The following FIP1L1 variants were observed in gnomAD, a reference collection of about 807,000 sequenced individuals.
FIP1L1 encodes the protein factor interacting with PAPOLA and CPSF1, also known as pre-mRNA 3'-end-processing factor FIP1.
A neutral mutation model predicts 84.6 loss-of-function variants in FIP1L1; 21 were observed. The observed-to-expected ratio is 0.25, with a 90% confidence interval of 0.18 to 0.36. FIP1L1 has a LOEUF of 0.36. Among genes scored for constraint, FIP1L1 ranks in the 10% least tolerant of loss-of-function variants. The pLI is 1.00. For missense variants in FIP1L1, 526 were observed against 751.1 expected (o/e 0.70, Z 3.50); for synonymous variants, 263 against 242.3 (o/e 1.09, Z -0.80).
chr4:53,413,405 T>G (rs2149740812), intron 10 of FIP1L1, among the ~76,000 whole-genome samples: 2 of 152,262 alleles, frequency 1.3e-5, no homozygotes, highest in Middle Eastern at 3.4e-3. Context: ...AAGATGAAAT[T>G]TCCATGTGTG....
At chr4:53,404,997 A>G (rs1346790253) in intron 10 of FIP1L1, among the ~76,000 whole-genome samples, 2 of 151,966 alleles carry the variant, frequency 1.3e-5, no homozygotes, top group Middle Eastern at 3.2e-3. Flanking sequence ...TGCTGTGCAG[A>G]AGCTCTTTAG....
chr4:53,383,635 C>A, intron 4 of FIP1L1, 138 bp from the exon 5 acceptor site: 1 of 777,064 alleles, frequency 1.3e-6, no homozygotes, highest in Non-Finnish European at 1.9e-6. Flanking sequence ...GCACTCAAGC[C>A]GGGGCGACAA....
intron 8 of FIP1L1, 96 bp downstream of exon 8, chr4:53,391,235 A>C: frequency 7.3e-7 from 1 of 1,373,770 alleles, no homozygotes; most frequent in Non-Finnish European, 1.0e-6. Flanking sequence ...GTTAAATGCT[A>C]TATGATAGTT....
intron 11 of FIP1L1, among the ~76,000 whole-genome samples, chr4:53,417,757 ACACACACTCTCTCTCTCT>A (rs1414865418): frequency 8.5e-4 from 30 of 35,168 alleles, no homozygotes; most frequent in Admixed American, 2.9e-3. Context: ...ACACACACAC[ACACACACTCTCTCTCTCT>A]CTCTCTCTCT....
intron 1 of FIP1L1, 108 bp from the exon 2 acceptor site, chr4:53,378,965 C>T: frequency 9.0e-7 from 1 of 1,109,372 alleles, no homozygotes; most frequent in African/African-American, 1.6e-5. Flanking sequence ...TTCATTACCT[C>T]TTAAATTTAA....
intron 11 of FIP1L1, among the ~76,000 whole-genome samples, chr4:53,421,678 G>GTTTCT (rs1442914436): frequency 6.6e-6 from 1 of 152,128 alleles, no homozygotes; most frequent in African/African-American, 2.4e-5. Context: ...CTTATTAGAA[G>GTTTCT]CCCTTCTGTG....
At chr4:53,389,755 T>A (rs765037352) in intron 5 of FIP1L1, 54 bp from the exon 6 acceptor site, 14 of 1,406,790 alleles carry the variant, frequency 1.0e-5, no homozygotes, top group Non-Finnish European at 1.3e-5. Flanking sequence ...ATATTACTGT[T>A]TTGTTTAAGC....
rs35852395 is a variant in FIP1L1, at chr4:53,460,624, A to AAATC, written c.*1177_*1180dup. 29,799 of 322,630 alleles carry AAATC rather than the reference A, an allele frequency of 0.092. 3,054 individuals are homozygous for AAATC. The highest frequency in any genetic ancestry group is 0.28 in the African/African-American group (12,990 of 46,068). The allele number at this position is 322,630 out of a possible 1,614,324, so 20.0% of individuals were successfully genotyped here. A position where few individuals can be genotyped will look rare whatever the true frequency, so the allele number is the denominator to read the frequency against. The stretch of plus-strand genomic sequence containing the variant: ...TCAGCTTGAATTCAGTGGGGTATAC[A>AAATC]AATCATTTTAGTTGTTTTAGGGCTT... On this transcript the variant is annotated 3_prime_UTR_variant, in exon 18 of 18. Transcript: ENST00000337488.
rs188247282 is a variant in FIP1L1, at chr4:53,438,364, T to C, written c.1175-4289T>C. Among the ~76,000 whole-genome samples the C allele has an allele frequency of 5.3e-3, 806 of 152,336 alleles. 1 individual carries two copies. Among genetic ancestry groups the C allele is most frequent in the Non-Finnish European group, 8.7e-3 (589 of 68,030 alleles). On this transcript the variant is annotated intron_variant, in intron 13 of 17. Transcript: ENST00000337488. ...AGAAAAGTCAAATACTAAATAGTGA[T>C]TTTTAAGTGAGAATGATGTTGGCCT... is the stretch of plus-strand genomic sequence containing the variant.
At chr4:53,417,069 CT>C (rs1759812935) in intron 11 of FIP1L1, among the ~76,000 whole-genome samples, 1 of 152,106 alleles carries the variant, frequency 6.6e-6, no homozygotes, top group Non-Finnish European at 1.5e-5. Context: ...AGCTATTTGA[CT>C]TAGAAGTTTT....
chr4:53,381,753 C>CTTTATTTTTTTTTTTTTTTTTT (rs1738047701), intron 3 of FIP1L1, among the ~76,000 whole-genome samples: 1 of 87,948 alleles, frequency 1.1e-5, no homozygotes, highest in Non-Finnish European at 2.0e-5. Flanking sequence ...CATTTGCATT[C>CTTTATTTTTTTTTTTTTTTTTT]TTTTTTTTTT....
At chr4:53,391,187 CT>C in intron 8 of FIP1L1, 48 bp downstream of exon 8, 1 of 1,550,098 alleles carries the variant, frequency 6.5e-7, no homozygotes, top group Non-Finnish European at 8.7e-7. Flanking sequence ...TACCGTCCCA[CT>C]TTTACTCCCC....
intron 11 of FIP1L1, among the ~76,000 whole-genome samples, chr4:53,421,557 C>T (rs1179631497): frequency 6.6e-6 from 1 of 152,156 alleles, no homozygotes; most frequent in Non-Finnish European, 1.5e-5. Context: ...CATATGTGAC[C>T]TGAATTAAAT....
At chr4:53,390,722 A>G (rs1435583991) in intron 7 of FIP1L1, 94 bp downstream of exon 7, 3 of 763,798 alleles carry the variant, frequency 3.9e-6, no homozygotes, top group Non-Finnish European at 6.2e-6. Flanking sequence ...TTATTTTTTC[A>G]TTATAATTTT....
intron 10 of FIP1L1, among the ~76,000 whole-genome samples, chr4:53,408,411 T>G (rs1755038302): frequency 1.3e-5 from 2 of 152,202 alleles, no homozygotes; most frequent in South Asian, 4.1e-4. Context: ...GACCTTTCTC[T>G]CTGGCTGCCC....
chr4:53,377,794 G>A lies in FIP1L1; in HGVS notation c.-45G>A. ...GGCTGCGAGGCTGGGGAAGGGGTTGGAGGGGGCTGTTGATCGCCGCGTTTA... is the reference window on the plus strand; with the variant it reads ...GGCTGCGAGGCTGGGGAAGGGGTTGAAGGGGGCTGTTGATCGCCGCGTTTA... On this transcript the variant is annotated 5_prime_UTR_variant, in exon 1 of 18. The change creates a premature stop within an existing upstream ORF in the 5' untranslated region. Transcript: ENST00000337488. The A allele has an allele frequency of 6.6e-7, 1 of 1,506,504 alleles. No homozygotes were observed. Among genetic ancestry groups the A allele is most frequent in the Non-Finnish European group, 8.9e-7 (1 of 1,120,338 alleles). The allele number at this position is 1,506,504 out of a possible 1,614,324, so 93.3% of individuals were successfully genotyped here. A position where few individuals can be genotyped will look rare whatever the true frequency, so the allele number is the denominator to read the frequency against.
chr4:53,419,438 G>A (rs1761189213), intron 11 of FIP1L1, among the ~76,000 whole-genome samples: 1 of 152,002 alleles, frequency 6.6e-6, no homozygotes, highest in African/African-American at 2.4e-5. Flanking sequence ...AATTGGATAT[G>A]TACTTTACTT....
rs549268463 is a variant in FIP1L1 at position 53,460,289 on chromosome 4, T to G, written c.*840T>G. Reference sequence around the variant, plus strand: ...CATTTCTTACTAAAAACAAAACAAGTTTATAATTAATTCTCTGAGCGAGCA... The same window carrying G: ...CATTTCTTACTAAAAACAAAACAAGGTTATAATTAATTCTCTGAGCGAGCA... On this transcript the variant is annotated 3_prime_UTR_variant, in exon 18 of 18. Transcript: ENST00000337488. The G allele has an allele frequency of 1.5e-3, 280 of 190,508 alleles. 2 individuals carry two copies. Among genetic ancestry groups the G allele is most frequent in the South Asian group, 8.7e-3 (45 of 5,148 alleles). The allele number at this position is 190,508 out of a possible 1,614,324, so 11.8% of individuals were successfully genotyped here.
intron 10 of FIP1L1, among the ~76,000 whole-genome samples, chr4:53,414,080 A>G (rs1758378326): frequency 6.6e-6 from 1 of 152,184 alleles, no homozygotes; most frequent in South Asian, 2.1e-4. Flanking sequence ...GTCAACAGGG[A>G]TAAAATTAAC....
Sources: gnomAD v4.1 joint callset for allele counts (sites outside exome capture counted in the v4.1 genomes callset) on GRCh38, gnomAD v4.1.1 for gene constraint, MANE v1.5 for transcripts, NCBI Gene and HGNC (gene_info 2026-07-23, HGNC 2026-07-21) for gene names.